GRAMD4: variants seen among roughly 807,000 people sequenced by gnomAD.
GRAMD4 encodes the protein GRAM domain containing 4, also known as GRAM domain-containing protein 4.
Under a neutral mutation model 83.9 loss-of-function variants are expected in GRAMD4, and 25 were observed. The ratio of observed to expected loss-of-function variants is 0.30; its 90% CI spans 0.22 to 0.42. The LOEUF (loss-of-function observed/expected upper bound fraction) is 0.42, where lower values mean the gene tolerates loss of function less well. Ranked by LOEUF, GRAMD4 falls within the 10% of genes least tolerant of loss-of-function variation. GRAMD4 has a pLI of 1.00. For missense variants in GRAMD4, 593 were observed against 788.7 expected (o/e 0.75, Z 2.97); for synonymous variants, 336 against 320.9 (o/e 1.05, Z -0.50).
At chr22:46,633,494 G>C (rs548344130) in intron 2 of GRAMD4, among the ~76,000 whole-genome samples, 2 of 152,366 alleles carry the variant, frequency 1.3e-5, no homozygotes, top group South Asian at 2.1e-4. Context: ...AGGGCTGGCT[G>C]TGTGGGGCTG....
At chr22:46,576,931 A>AAACAAAG (rs1307078099), upstream of GRAMD4, among the ~76,000 whole-genome samples, 33 of 144,580 alleles carry the variant, frequency 2.3e-4, no homozygotes, top group Admixed American at 2.3e-3. Flanking sequence ...CGCGTGACCG[A>AAACAAAG]GCTGGCGCAC....
rs533326840 is a variant in GRAMD4, at chr22:46,621,943, G to T, written c.-50+1378G>T. Among the ~76,000 whole-genome samples the T allele has an allele frequency of 6.6e-6, 1 of 152,194 alleles. No individual in the cohort carries two copies. Among genetic ancestry groups the T allele is most frequent in the Non-Finnish European group, 1.5e-5 (1 of 68,020 alleles). On this transcript the variant is annotated intron_variant, in intron 1 of 18. Coordinates refer to ENST00000406902, the MANE Select transcript of GRAMD4 (RefSeq NM_015124.5). The surrounding 1 kb of genome is among the most constrained non-coding windows in gnomAD (Gnocchi z 5.8). ...AGGGTGGTGGAGTCAGTGGGGCTGA[G>T]AGCAGGGTCGTCTAGGACCCTGATG...
chr22:46,592,471 G>T (rs1251574061), intron 1 of GRAMD4, among the ~76,000 whole-genome samples: 2 of 151,828 alleles, frequency 1.3e-5, no homozygotes, highest in Non-Finnish European at 2.9e-5. Context: ...AGGATGAAGT[G>T]GGCTGTTAGC....
At chr22:46,680,578 C>CCACCCACCCACCCACCCACCCATT (rs1569313352), downstream of GRAMD4, among the ~76,000 whole-genome samples, 1 of 146,598 alleles carries the variant, frequency 6.8e-6, no homozygotes, top group Non-Finnish European at 1.5e-5. Flanking sequence ...ATCCATCCAT[C>CCACCCACCCACCCACCCACCCATT]CATCCATCCA....
chr22:46,589,790 T>C (rs2081188489), intron 1 of GRAMD4, among the ~76,000 whole-genome samples: 5 of 152,164 alleles, frequency 3.3e-5, no homozygotes, highest in Non-Finnish European at 1.5e-5. Context: ...CCCACCTGCT[T>C]TGTGTGCACC....
At chr22:46,627,283 A>G (rs2081680305) in intron 2 of GRAMD4, among the ~76,000 whole-genome samples, 1 of 152,084 alleles carries the variant, frequency 6.6e-6, no homozygotes, top group Non-Finnish European at 1.5e-5. Flanking sequence ...TGACATGCGG[A>G]TGGAGCAGGG....
intron 3 of GRAMD4, among the ~76,000 whole-genome samples, chr22:46,651,271 G>C (rs1417296879): frequency 2.0e-5 from 3 of 152,330 alleles, no homozygotes; most frequent in Non-Finnish European, 1.5e-5. Flanking sequence ...TGGGTTCCTT[G>C]CCATTTGGTG....
intron 3 of GRAMD4, among the ~76,000 whole-genome samples, chr22:46,645,936 G>A (rs963972382): frequency 6.6e-6 from 1 of 152,216 alleles, no homozygotes; most frequent in Non-Finnish European, 1.5e-5. Flanking sequence ...CCCCAGGGTT[G>A]TAAGGTGCAC....
intron 18 of GRAMD4, among the ~76,000 whole-genome samples, chr22:46,676,935 C>T (rs1481595630): frequency 1.3e-5 from 2 of 152,228 alleles, no homozygotes; most frequent in Non-Finnish European, 1.5e-5. Context: ...GAGGGAGGCA[C>T]GGGGCTAAAG....
intron 1 of GRAMD4, among the ~76,000 whole-genome samples, chr22:46,590,001 G>A (rs986066729): frequency 2.0e-5 from 3 of 152,190 alleles, no homozygotes; most frequent in African/African-American, 4.8e-5. Context: ...AGGCCGTGTC[G>A]CCTCCTGTAA....
chr22:46,674,147 C>T (rs2082558558), intron 15 of GRAMD4, among the ~76,000 whole-genome samples: 1 of 152,242 alleles, frequency 6.6e-6, no homozygotes, highest in Admixed American at 6.5e-5. Flanking sequence ...CCCCTGGTTC[C>T]ATCGTGTCTG....
At chr22:46,644,479 A>G (rs1249572157) in intron 3 of GRAMD4, among the ~76,000 whole-genome samples, 1 of 144,698 alleles carries the variant, frequency 6.9e-6, no homozygotes, top group Non-Finnish European at 1.5e-5. Context: ...TCCCCGTTGC[A>G]GGTTACACCT....
intron 9 of GRAMD4, among the ~76,000 whole-genome samples, chr22:46,666,035 C>T (rs759067902): frequency 2.0e-5 from 3 of 152,238 alleles, no homozygotes; most frequent in Admixed American, 1.3e-4. Flanking sequence ...CAGGGCTCCA[C>T]GCCCCGGAAG....
rs987744228 is a variant in GRAMD4 at position 46,659,056 on chromosome 22, C to T, written c.404+749C>T. ...CTGTCTCGCTAACACCACGAGGCTC[C>T]GTGTCCCTCTGCACAAGTTCAAACT... On this transcript the variant is annotated intron_variant, in intron 4 of 18. Transcript: ENST00000406902. The surrounding 1 kb of genome is among the most constrained non-coding windows in gnomAD (Gnocchi z 4.1). Among the ~76,000 whole-genome samples, 1 of 152,142 alleles carries T rather than the reference C, an allele frequency of 6.6e-6. No homozygotes were observed. The highest frequency in any genetic ancestry group is 6.5e-5 in the Admixed American group (1 of 15,282).
intron 3 of GRAMD4, among the ~76,000 whole-genome samples, chr22:46,638,903 A>G (rs2081931058): frequency 1.3e-5 from 2 of 152,218 alleles, no homozygotes; most frequent in Admixed American, 1.3e-4. Flanking sequence ...CCAGACAGCC[A>G]GTGCCTTTGC....
chr22:46,668,170 A>G lies in GRAMD4; in HGVS notation c.930+3A>G. On this transcript the variant is annotated splice_donor_region_variant and intron_variant, in intron 11 of 18. Coordinates refer to ENST00000406902, the MANE Select transcript of GRAMD4 (RefSeq NM_015124.5). ...TGGACGTCGCCCAGAAAGCCCAGGT[A>G]CTGCCACGGGCGCCGGCCAGGGGTG... The G allele has an allele frequency of 1.2e-6, 2 of 1,608,002 alleles. No individual in the cohort carries two copies. The highest frequency in any genetic ancestry group is 1.7e-6 in the Non-Finnish European group (2 of 1,176,008).
chr22:46,628,971 G>T (rs1192945364), intron 2 of GRAMD4, among the ~76,000 whole-genome samples: 1 of 152,088 alleles, frequency 6.6e-6, no homozygotes, highest in Non-Finnish European at 1.5e-5. Context: ...GAGGTACAAG[G>T]GGGCTTGAGG....
rs1300785786 is a variant in GRAMD4, at chr22:46,623,672, A to G, written c.-49-3079A>G. Among the ~76,000 whole-genome samples the G allele has an allele frequency of 2.0e-5, 3 of 152,066 alleles. No homozygotes were observed. In the East Asian group the frequency reaches 5.8e-4, roughly 29 times the overall value. On this transcript the variant is annotated intron_variant, in intron 1 of 18. Coordinates refer to ENST00000406902, the MANE Select transcript of GRAMD4 (RefSeq NM_015124.5). ...CGGCCTCCCAAAGTGCTGAGATTACAGGCATGAGCCACCATGCCCGGCCTA... is the reference window on the plus strand; with the variant it reads ...CGGCCTCCCAAAGTGCTGAGATTACGGGCATGAGCCACCATGCCCGGCCTA...
intron 8 of GRAMD4, among the ~76,000 whole-genome samples, chr22:46,665,029 TGC>T (rs1481415909): frequency 7.9e-5 from 12 of 152,230 alleles, no homozygotes; most frequent in African/African-American, 2.7e-4. Flanking sequence ...CCTCTTCTCC[TGC>T]CACCCTCACA....
Sources: gnomAD v4.1 joint callset for allele counts (sites outside exome capture counted in the v4.1 genomes callset) on GRCh38, gnomAD v4.1.1 for gene constraint, Gnocchi (gnomAD v3.1) non-coding constraint, MANE v1.5 for transcripts, NCBI Gene and HGNC (gene_info 2026-07-23, HGNC 2026-07-21) for gene names.